Variants in GRM8 observed in about 807,000 individuals in gnomAD.
The protein encoded by GRM8 is glutamate metabotropic receptor 8, also known as metabotropic glutamate receptor 8.
GRM8 carries 47 observed loss-of-function variants against 87.2 expected under a neutral mutation model. The ratio of observed to expected loss-of-function variants is 0.54; its 90% confidence interval spans 0.43 to 0.69. The LOEUF (loss-of-function observed/expected upper bound fraction) is 0.69. GRM8 is among the 30% of genes least tolerant of loss of function. The pLI is 0.00. For missense variants in GRM8, 1,019 were observed against 1,139.2 expected, an observed-to-expected ratio of 0.89 and a Z score of 1.52; for synonymous variants, 396 against 404.5, an observed-to-expected ratio of 0.98 and a Z score of 0.25.
intron 7 of GRM8, among the ~76,000 whole-genome samples, chr7:126,631,278 C>T (rs931589828): frequency 1.3e-5 from 2 of 152,066 alleles, no homozygotes; most frequent in African/African-American, 4.8e-5. Context: ...AACTCCCTTT[C>T]ACAACTGCCA....
chr7:126,536,177 A>G (rs1381033647), intron 8 of GRM8, among the ~76,000 whole-genome samples: 1 of 152,218 alleles, frequency 6.6e-6, no homozygotes, highest in Non-Finnish European at 1.5e-5. Context: ...CAGCGACTGT[A>G]TACTTCCAAA....
At chr7:126,483,383 T>G (rs1806946831) in intron 9 of GRM8, among the ~76,000 whole-genome samples, 1 of 151,458 alleles carries the variant, frequency 6.6e-6, no homozygotes, top group Non-Finnish European at 1.5e-5. Context: ...ACAATGTTTA[T>G]CACAGGTACT....
intron 7 of GRM8, among the ~76,000 whole-genome samples, chr7:126,742,963 C>G (rs999917642): frequency 6.6e-6 from 1 of 152,024 alleles, no homozygotes; most frequent in African/African-American, 2.4e-5. Flanking sequence ...ACTTCCCCAA[C>G]AGAGGCTGAC....
At chr7:127,119,331 C>T (rs1826890989) in intron 2 of GRM8, among the ~76,000 whole-genome samples, 1 of 151,988 alleles carries the variant, frequency 6.6e-6, no homozygotes, top group Non-Finnish European at 1.5e-5. Flanking sequence ...ACTAAAAATA[C>T]AAAAATTAGC....
chr7:126,988,612 T>A (rs1463947576), intron 3 of GRM8, among the ~76,000 whole-genome samples: 1 of 152,222 alleles, frequency 6.6e-6, no homozygotes, highest in Non-Finnish European at 1.5e-5. Flanking sequence ...AAAGCCATAT[T>A]TTTTTGAGTT....
chr7:127,025,202 C>T (rs1816656839), intron 3 of GRM8, among the ~76,000 whole-genome samples: 1 of 152,046 alleles, frequency 6.6e-6, no homozygotes, highest in Non-Finnish European at 1.5e-5. Flanking sequence ...AATCTAGGCT[C>T]TTCCTGTTCC....
intron 3 of GRM8, among the ~76,000 whole-genome samples, chr7:127,104,678 T>C (rs1266126240): frequency 6.6e-6 from 1 of 152,204 alleles, no homozygotes; most frequent in Non-Finnish European, 1.5e-5. Flanking sequence ...AAGAAATGTG[T>C]TGCTCTAATC....
intron 3 of GRM8, among the ~76,000 whole-genome samples, chr7:126,919,564 CTGATGACCAGTTCATTGAAGCATTA>C (rs201064346): frequency 1.3e-5 from 2 of 151,648 alleles, no homozygotes; most frequent in East Asian, 3.9e-4. Flanking sequence ...TGCTAGGGAT[CTGATGACCAGTTCATTGAAGCATTA>C]TAGTTCTCTT....
intron 8 of GRM8, among the ~76,000 whole-genome samples, chr7:126,548,629 T>A (rs1817439216): frequency 6.6e-6 from 1 of 152,144 alleles, no homozygotes. Context: ...GAAGTGTAAA[T>A]AACAGGGTTA....
At chr7:127,018,200 G>C (rs1815882296) in intron 3 of GRM8, among the ~76,000 whole-genome samples, 1 of 151,968 alleles carries the variant, frequency 6.6e-6, no homozygotes, top group Non-Finnish European at 1.5e-5. Flanking sequence ...CAGGTGCTGG[G>C]CATATATAAA....
chr7:126,793,180 GATAAAGTCTCCTCTTTT>G (rs1268092970), intron 6 of GRM8, among the ~76,000 whole-genome samples: 1 of 152,004 alleles, frequency 6.6e-6, no homozygotes, highest in African/African-American at 2.4e-5. Context: ...TTCTACTTGT[GATAAAGTCTCCTCTTTT>G]TCTACCTCCT....
At chr7:126,522,208 CCCA>C (rs1188173777) in intron 9 of GRM8, among the ~76,000 whole-genome samples, 1 of 152,186 alleles carries the variant, frequency 6.6e-6, no homozygotes, top group Admixed American at 6.5e-5. Context: ...GTCTTCTGTT[CCCA>C]ATTCAACTTG....
intron 6 of GRM8, among the ~76,000 whole-genome samples, chr7:126,789,385 T>C (rs1046246299): frequency 5.9e-5 from 9 of 152,154 alleles, no homozygotes; most frequent in Non-Finnish European, 8.8e-5. Context: ...AAGAAACTCC[T>C]CCTCAGCTTC....
chr7:126,528,630 G>A (rs1584951881), intron 9 of GRM8, among the ~76,000 whole-genome samples: 1 of 152,028 alleles, frequency 6.6e-6, no homozygotes, highest in African/African-American at 2.4e-5. Context: ...GTGTGTGTGT[G>A]TGTGTGTGTG....
chr7:127,026,923 G>C (rs552194269), intron 3 of GRM8, among the ~76,000 whole-genome samples: 1 of 152,242 alleles, frequency 6.6e-6, no homozygotes, highest in African/African-American at 2.4e-5. Context: ...CCTATGTCCT[G>C]AATGGTATTG....
Position 127,243,024 on chromosome 7 carries a change from CT to C in GRM8, c.180del (p.Val62CysfsTer6). 1.2e-6 allele frequency: 2 copies of C among 1,613,992 alleles called. No individual in the cohort carries two copies. On this transcript the variant is annotated frameshift_variant, in exon 2 of 11. Coordinates refer to ENST00000339582, the MANE Select transcript of GRM8 (RefSeq NM_000845.3). LOFTEE classifies it high-confidence loss of function. ...GLFPVHAKGE[R>X]GVPCGELKKE... ...TTCTTCAGCTCCCCACAAGGCACCC[CT>C]CTCTCTCCCTTTGCGTGGACAGGGA...
chr7:126,490,469 G>A (rs1457560442), intron 9 of GRM8, among the ~76,000 whole-genome samples: 1 of 152,048 alleles, frequency 6.6e-6, no homozygotes, highest in African/African-American at 2.4e-5. Flanking sequence ...ACAAAAAAGG[G>A]TATTAATAAG....
At chr7:126,714,428 C>G (rs1811498720) in intron 7 of GRM8, among the ~76,000 whole-genome samples, 1 of 151,950 alleles carries the variant, frequency 6.6e-6, no homozygotes, top group African/African-American at 2.4e-5. Flanking sequence ...CAAGGAGGTT[C>G]TCTTATTATC....
At chr7:126,626,856 TTAAAA>T (rs547523592) in intron 7 of GRM8, among the ~76,000 whole-genome samples, 67 of 152,228 alleles carry the variant, frequency 4.4e-4, no homozygotes, top group Non-Finnish European at 7.5e-4. Context: ...CTTGTCTCAA[TTAAAA>T]TATTTTTAAA....
Sources: allele counts gnomAD v4.1 joint callset (sites outside exome capture counted in the v4.1 genomes callset), GRCh38; gene constraint gnomAD v4.1.1; transcripts MANE v1.5; gene names NCBI Gene and HGNC (gene_info 2026-07-23, HGNC 2026-07-21).